Variants in GEMIN7 observed in about 807,000 individuals in gnomAD.
GEMIN7 encodes gem-associated protein 7.
GEMIN7 carries 7 observed loss-of-function variants against 7.8 expected under a neutral mutation model. The observed-to-expected ratio is 0.90, with a 90% CI of 0.51 to 1.69. The LOEUF is 1.69. Ranked by LOEUF, GEMIN7 falls within the 40% of genes most tolerant of loss-of-function variation. The pLI is 0.00. For missense variants in GEMIN7, 159 were observed against 176.2 expected, an observed-to-expected ratio of 0.90 and a Z score of 0.55; for synonymous variants, 68 against 72.4, an observed-to-expected ratio of 0.94 and a Z score of 0.31.
At chr19:45,080,314 C>G (rs570334302) in intron 2 of GEMIN7, among the ~76,000 whole-genome samples, 1 of 151,874 alleles carries the variant, frequency 6.6e-6, no homozygotes, top group African/African-American at 2.4e-5. Context: ...ACATGGGGCA[C>G]GGGTGAGGAC....
At chr19:45,077,653 T>C (rs775228219), upstream of GEMIN7, among the ~76,000 whole-genome samples, 1 of 152,118 alleles carries the variant, frequency 6.6e-6, no homozygotes, top group Non-Finnish European at 1.5e-5. Flanking sequence ...CTGGGTTCCA[T>C]TGTCCTCCTG....
intron 2 of GEMIN7, among the ~76,000 whole-genome samples, chr19:45,081,689 C>T (rs1310826012): frequency 6.6e-6 from 1 of 151,972 alleles, no homozygotes; most frequent in Non-Finnish European, 1.5e-5. Context: ...TGCAATGGCA[C>T]GATCTCCGCT....
upstream of GEMIN7, among the ~76,000 whole-genome samples, chr19:45,077,659 T>A (rs1967382207): frequency 6.6e-6 from 1 of 152,072 alleles, no homozygotes; most frequent in African/African-American, 2.4e-5. Flanking sequence ...TCCATTGTCC[T>A]CCTGAGAGCA....
chr19:45,082,850 C>T (rs115398834), intron 2 of GEMIN7, among the ~76,000 whole-genome samples: 2,837 of 150,750 alleles, frequency 0.019, 71 homozygotes, highest in African/African-American at 0.059. Context: ...TGAACTCCTA[C>T]GCTAAAGCAA....
chr19:45,085,861 C>CTT (rs1568431705), intron 2 of GEMIN7, among the ~76,000 whole-genome samples: 2 of 76,180 alleles, frequency 2.6e-5, no homozygotes, highest in Admixed American at 1.3e-4. Context: ...GCACAAGAAT[C>CTT]TCTTTTTTTT....
chr19:45,087,991 G>C (rs1402846417), intron 2 of GEMIN7, among the ~76,000 whole-genome samples: 1 of 140,164 alleles, frequency 7.1e-6, no homozygotes, highest in Non-Finnish European at 1.5e-5. Flanking sequence ...TGTCGCCCAG[G>C]CTGGAGTACT....
At chr19:45,076,339 C>G, upstream of GEMIN7, 2 of 1,369,948 alleles carry the variant, frequency 1.5e-6, no homozygotes, top group Non-Finnish European at 1.9e-6. The surrounding 1 kb of genome is among the most constrained non-coding windows in gnomAD (Gnocchi z 4.9). Context: ...GGGCTCTACT[C>G]GGCGGGGCGC....
At chr19:45,085,466 T>C (rs1244393285) in intron 2 of GEMIN7, 1 of 152,172 alleles carries the variant, frequency 6.6e-6, no homozygotes. Flanking sequence ...GAGGCTAGGA[T>C]GCTGCTCAAA....
chr19:45,077,502 C>T (rs948917172), upstream of GEMIN7, among the ~76,000 whole-genome samples: 2 of 152,158 alleles, frequency 1.3e-5, no homozygotes, highest in South Asian at 4.1e-4. Flanking sequence ...CAGTATAGAA[C>T]GGCTTGTGGA....
intron 2 of GEMIN7, among the ~76,000 whole-genome samples, chr19:45,088,936 C>CTTT (rs368470130): frequency 1.3e-4 from 18 of 143,192 alleles, no homozygotes; most frequent in Non-Finnish European, 9.1e-5. Flanking sequence ...CCCATCCATG[C>CTTT]TTTTTTTTTT....
upstream of GEMIN7, chr19:45,075,704 T>G (rs1181184122): frequency 6.2e-7 from 1 of 1,613,192 alleles, no homozygotes; most frequent in Admixed American, 1.7e-5. Flanking sequence ...TGCACCCGGC[T>G]TTACTCACCT....
intron 2 of GEMIN7, chr19:45,085,477 C>T (rs1967649478): frequency 2.0e-5 from 3 of 152,246 alleles, no homozygotes; most frequent in African/African-American, 7.2e-5. Flanking sequence ...GCTGCTCAAA[C>T]CCTACACCTA....
At chr19:45,078,556 TAAGTC>T (rs1967402958), upstream of GEMIN7, among the ~76,000 whole-genome samples, 1 of 152,184 alleles carries the variant, frequency 6.6e-6, no homozygotes. Flanking sequence ...CGTTCATAGT[TAAGTC>T]AACAAATATT....
chr19:45,076,479 G>T, upstream of GEMIN7: 1 of 828,492 alleles, frequency 1.2e-6, no homozygotes, highest in Non-Finnish European at 1.6e-6. The surrounding 1 kb of genome is among the most constrained non-coding windows in gnomAD (Gnocchi z 4.9). Flanking sequence ...GTGAGTGACT[G>T]CGGCGACCCG....
In GEMIN7 at chr19:45,090,694, G is replaced by A. The variant is rs1466057015; in HGVS notation, c.*184G>A. 5.0e-6 allele frequency: 3 copies of A among 600,244 alleles called. No homozygotes were observed. The highest frequency in any genetic ancestry group is 3.7e-5 in the African/African-American group (2 of 53,590). The allele number at this position is 600,244 out of a possible 1,614,324, so 37.2% of individuals were successfully genotyped here. On this transcript the variant is annotated 3_prime_UTR_variant, in exon 3 of 3. Coordinates refer to ENST00000270257, the MANE Select transcript of GEMIN7 (RefSeq NM_024707.3). ...TAGTCAGTAAAATTCTGCAACTCTA[G>A]GAATTCTAAGATCCCATTGGAAGGA... is the stretch of plus-strand genomic sequence containing the variant.
chr19:45,089,927 A>G (rs1024717856), intron 2 of GEMIN7, 180 bp from the exon 3 acceptor site: 3 of 607,258 alleles, frequency 4.9e-6, no homozygotes, highest in Admixed American at 3.0e-5. Context: ...TGCATGTGAC[A>G]CTTTTGTTTC....
chr19:45,076,211 C>T, upstream of GEMIN7: 1 of 1,505,644 alleles, frequency 6.6e-7, no homozygotes, highest in East Asian at 2.5e-5. The surrounding 1 kb of genome is among the most constrained non-coding windows in gnomAD (Gnocchi z 4.9). Context: ...GAGGACACCT[C>T]CTTCGGGGAG....
upstream of GEMIN7, among the ~76,000 whole-genome samples, chr19:45,078,898 G>C (rs1256112737): frequency 6.6e-6 from 1 of 152,226 alleles, no homozygotes; most frequent in Non-Finnish European, 1.5e-5. Flanking sequence ...GTTTCCTGTA[G>C]AGGAGCGGGG....
chr19:45,087,815 G>T (rs1967747949), intron 2 of GEMIN7, among the ~76,000 whole-genome samples: 1 of 152,122 alleles, frequency 6.6e-6, no homozygotes, highest in Admixed American at 6.5e-5. Flanking sequence ...GACCCAGTGA[G>T]GAGTTGACTA....
Sources: gnomAD v4.1 joint callset for allele counts (sites outside exome capture counted in the v4.1 genomes callset) on GRCh38, gnomAD v4.1.1 for gene constraint, Gnocchi (gnomAD v3.1) non-coding constraint, MANE v1.5 for transcripts, NCBI Gene and HGNC (gene_info 2026-07-23, HGNC 2026-07-21) for gene names.